ITGBL1: variants seen among roughly 807,000 people sequenced by gnomAD.
ITGBL1 encodes the protein integrin beta-like protein 1.
A neutral mutation model predicts 68.5 loss-of-function variants in ITGBL1; 51 were observed. The ratio of observed to expected loss-of-function variants is 0.74; its 90% CI spans 0.59 to 0.94. ITGBL1 has a LOEUF of 0.94. Ranked by LOEUF, ITGBL1 falls within the 40% of genes least tolerant of loss-of-function variation. The pLI is 0.00. For missense variants in ITGBL1, 649 were observed against 647.4 expected, an observed-to-expected ratio of 1.00 and a Z score of -0.03; for synonymous variants, 209 against 227.3, an observed-to-expected ratio of 0.92 and a Z score of 0.72.
intron 2 of ITGBL1, among the ~76,000 whole-genome samples, chr13:101,510,993 T>C (rs2049106733): frequency 6.6e-6 from 1 of 152,116 alleles, no homozygotes; most frequent in Non-Finnish European, 1.5e-5. Flanking sequence ...GAAGAAGCTC[T>C]TTAGTTTAAT....
chr13:101,640,565 T>G (rs114413683), intron 7 of ITGBL1, among the ~76,000 whole-genome samples: 1,595 of 152,266 alleles, frequency 0.01, 31 homozygotes, highest in African/African-American at 0.037. Flanking sequence ...AACGCACACT[T>G]TTCTTATTTA....
At chr13:101,461,072 A>G (rs1191939432) in intron 2 of ITGBL1, among the ~76,000 whole-genome samples, 1 of 152,204 alleles carries the variant, frequency 6.6e-6, no homozygotes, top group African/African-American at 2.4e-5. Flanking sequence ...TATTTATAGC[A>G]TTGTGGTATT....
intron 7 of ITGBL1, among the ~76,000 whole-genome samples, chr13:101,632,927 G>A (rs2032035050): frequency 6.6e-6 from 1 of 152,160 alleles, no homozygotes; most frequent in African/African-American, 2.4e-5. Context: ...GCAAAGCAGA[G>A]GTTCTCAAAC....
intron 2 of ITGBL1, among the ~76,000 whole-genome samples, chr13:101,523,373 TAGA>T (rs1362324841): frequency 7.9e-5 from 12 of 152,166 alleles, no homozygotes; most frequent in African/African-American, 2.9e-4. Flanking sequence ...CAAGTTGGAT[TAGA>T]AGATGTCCTG....
chr13:101,524,823 A>G (rs1042792308), intron 2 of ITGBL1, among the ~76,000 whole-genome samples: 1 of 151,972 alleles, frequency 6.6e-6, no homozygotes, highest in African/African-American at 2.4e-5. Flanking sequence ...GTAATTTTGC[A>G]TTTGTTTGTG....
chr13:101,481,136 A>G (rs927957292), intron 2 of ITGBL1, among the ~76,000 whole-genome samples: 1 of 142,508 alleles, frequency 7.0e-6, no homozygotes, highest in Non-Finnish European at 1.5e-5. Flanking sequence ...ACACATGTGC[A>G]TATATATATG....
At chr13:101,515,197 A>G (rs1025909442) in intron 2 of ITGBL1, among the ~76,000 whole-genome samples, 3 of 152,096 alleles carry the variant, frequency 2.0e-5, no homozygotes, top group African/African-American at 7.2e-5. Flanking sequence ...CATTTTAAAT[A>G]TTAATGTTAG....
intron 7 of ITGBL1, among the ~76,000 whole-genome samples, chr13:101,657,003 T>C (rs1393160722): frequency 6.6e-6 from 1 of 151,936 alleles, no homozygotes; most frequent in Non-Finnish European, 1.5e-5. Flanking sequence ...ATGTGCACAT[T>C]GTGCAGGTTA....
intron 7 of ITGBL1, among the ~76,000 whole-genome samples, chr13:101,605,333 T>C (rs2030712860): frequency 6.6e-6 from 1 of 151,142 alleles, no homozygotes; most frequent in Non-Finnish European, 1.5e-5. Context: ...TGCGTATATA[T>C]ATATACACAT....
At chr13:101,616,894 C>A (rs908054161) in intron 7 of ITGBL1, among the ~76,000 whole-genome samples, 3 of 152,110 alleles carry the variant, frequency 2.0e-5, no homozygotes, top group Admixed American at 2.0e-4. Flanking sequence ...GGACTCTTAG[C>A]CTGGAATTCA....
chr13:101,638,461 C>T (rs1267811137), intron 7 of ITGBL1, among the ~76,000 whole-genome samples: 5 of 152,044 alleles, frequency 3.3e-5, no homozygotes, highest in Non-Finnish European at 1.5e-5. Context: ...TTTGTATTAG[C>T]CCGTTTTCAT....
intron 7 of ITGBL1, among the ~76,000 whole-genome samples, chr13:101,613,527 A>T (rs1319970775): frequency 6.6e-6 from 1 of 152,104 alleles, no homozygotes; most frequent in African/African-American, 2.4e-5. Flanking sequence ...GTAAGTACGG[A>T]GGGCAGGGAC....
chr13:101,522,807 A>G (rs373218306), intron 2 of ITGBL1, among the ~76,000 whole-genome samples: 6 of 152,332 alleles, frequency 3.9e-5, no homozygotes, highest in Admixed American at 3.3e-4. Context: ...CCCAGACACA[A>G]GAAGACATTG....
intron 3 of ITGBL1, among the ~76,000 whole-genome samples, chr13:101,571,122 T>G (rs964854048): frequency 6.6e-6 from 1 of 152,166 alleles, no homozygotes; most frequent in Non-Finnish European, 1.5e-5. Flanking sequence ...ACTTCTTGTT[T>G]TCTCCATTCC....
intron 7 of ITGBL1, among the ~76,000 whole-genome samples, chr13:101,610,233 T>G (rs570128692): frequency 6.6e-6 from 1 of 152,274 alleles, no homozygotes; most frequent in Admixed American, 6.5e-5. Flanking sequence ...AACCAGATAC[T>G]TTTATGGGAA....
At chr13:101,694,915 C>A (rs1303460273) in intron 8 of ITGBL1, among the ~76,000 whole-genome samples, 1 of 152,108 alleles carries the variant, frequency 6.6e-6, no homozygotes, top group East Asian at 1.9e-4. Context: ...ATGGTTTAAA[C>A]TGAAGTAATT....
rs186013321 is a variant in ITGBL1, at chr13:101,600,444, G to A, written c.1015+2145G>A. Among the ~76,000 whole-genome samples the A allele has an allele frequency of 3.8e-3, 582 of 152,258 alleles. 2 individuals carry two copies. Among genetic ancestry groups the A allele is most frequent in the African/African-American group, 0.013 (551 of 41,564 alleles). ...TGCCGTTTATTCCCTTCTCCTGCCT[G>A]ATTGCCCTGGCCAGAACTTCCAACA... On this transcript the variant is annotated intron_variant, in intron 7 of 10. Transcript: ENST00000376180.
intron 7 of ITGBL1, among the ~76,000 whole-genome samples, chr13:101,677,141 A>G (rs1321520140): frequency 2.6e-5 from 4 of 152,184 alleles, no homozygotes; most frequent in Non-Finnish European, 5.9e-5. Flanking sequence ...ATAAATACAT[A>G]AATAATTAGC....
At chr13:101,642,778 A>G (rs1309087237) in intron 7 of ITGBL1, among the ~76,000 whole-genome samples, 2 of 152,044 alleles carry the variant, frequency 1.3e-5, no homozygotes, top group Non-Finnish European at 2.9e-5. Context: ...AGCTTTCTAC[A>G]TATGGCTGGC....
Sources: allele counts gnomAD v4.1 joint callset (sites outside exome capture counted in the v4.1 genomes callset), GRCh38; gene constraint gnomAD v4.1.1; transcripts MANE v1.5; gene names NCBI Gene and HGNC (gene_info 2026-07-23, HGNC 2026-07-21).